The following ASB11 variants were observed in gnomAD, a reference collection of about 807,000 sequenced individuals.
ASB11 encodes ankyrin repeat and SOCS box protein 11.
A neutral mutation model predicts 20.1 loss-of-function variants in ASB11; 17 were observed. That is an observed-to-expected ratio of 0.85 (90% CI 0.58 to 1.27). The LOEUF is 1.27. Among genes scored for constraint, ASB11 ranks in the 50% most tolerant of loss-of-function variants. The pLI is 0.00. For synonymous variants in ASB11, 107 were observed against 105.6 expected, an observed-to-expected ratio of 1.01 and a Z score of -0.08; for missense variants, 259 against 256.9, an observed-to-expected ratio of 1.01 and a Z score of -0.06.
chrX:15,311,216 G>A (rs952888280), intron 1 of ASB11, among the ~76,000 whole-genome samples: 1 of 112,543 alleles, frequency 8.9e-6, no homozygotes, highest in Non-Finnish European at 1.9e-5. Context: ...AGAATGTCCA[G>A]TCCTAGAGAG....
In ASB11 at chrX:15,297,664, A is replaced by G. The variant is rs765173933; in HGVS notation, c.279T>C (p.Leu93=). The G allele has an allele frequency of 9.5e-5, 115 of 1,207,451 alleles. 1 individual carries two copies. In the Admixed American group the frequency reaches 2.3e-3, roughly 24 times the overall value. The change falls in exon 3 of 7, where the codon CTT becomes CTC. Residue 93 remains leucine (L), a synonymous_variant. Transcript: ENST00000480796. ...GAGAAGACACCCGGTTAATTGTCACAAGGTTCACATTGACACCCTATAATT... is the reference window on the plus strand; with the variant it reads ...GAGAAGACACCCGGTTAATTGTCACGAGGTTCACATTGACACCCTATAATT... The part of the protein sequence containing the change: ...TLIAQGVNVN[L]VTINRVSSLH...
At chrX:15,284,213 C>T (rs866416993) in intron 6 of ASB11, among the ~76,000 whole-genome samples, 10 of 99,697 alleles carry the variant, frequency 1.0e-4, no homozygotes, top group African/African-American at 3.8e-4. Context: ...GATCGGGCCA[C>T]TGCACTCCAG....
At chrX:15,293,892 G>A (rs1393308685) in intron 3 of ASB11, among the ~76,000 whole-genome samples, 1 of 85,282 alleles carries the variant, frequency 1.2e-5, no homozygotes, top group Non-Finnish European at 2.3e-5. Flanking sequence ...GTTGTGGGGT[G>A]GGGGGAGGGG....
chrX:15,293,399 G>A (rs1433162067), intron 3 of ASB11, 79 bp from the exon 4 acceptor site: 3 of 1,067,662 alleles, frequency 2.8e-6, no homozygotes, highest in Non-Finnish European at 3.8e-6. Context: ...CTATGTATTT[G>A]CCTAGAGGAA....
At chrX:15,307,999 C>T (rs189966120) in intron 1 of ASB11, among the ~76,000 whole-genome samples, 1 of 112,110 alleles carries the variant, frequency 8.9e-6, no homozygotes, top group East Asian at 2.8e-4. Flanking sequence ...TCCAGCCCAC[C>T]CAGCAGCTGG....
chrX:15,313,974 C>T (rs1921523709), intron 1 of ASB11, among the ~76,000 whole-genome samples: 1 of 107,006 alleles, frequency 9.3e-6, no homozygotes, highest in Non-Finnish European at 1.9e-5. Context: ...ATTGCTTCAA[C>T]CGGGACCTGG....
intron 4 of ASB11, chrX:15,289,853 A>G (rs1054438761): frequency 2.1e-5 from 6 of 283,724 alleles, no homozygotes; most frequent in Non-Finnish European, 6.2e-6. Flanking sequence ...GTGAAACCCC[A>G]TCTCTACTAA....
chrX:15,311,698 G>A (rs1921435670), intron 1 of ASB11, among the ~76,000 whole-genome samples: 1 of 110,540 alleles, frequency 9.0e-6, no homozygotes, highest in Non-Finnish European at 1.9e-5. Flanking sequence ...GTTCTACAAC[G>A]TCTTATCTGC....
intron 2 of ASB11, among the ~76,000 whole-genome samples, chrX:15,300,222 G>C (rs759717776): frequency 1.8e-5 from 2 of 112,176 alleles, no homozygotes; most frequent in Non-Finnish European, 3.8e-5. Flanking sequence ...TGCTGGAAAG[G>C]CCTGAAAGAT....
chrX:15,294,516 G>A (rs1043735468), intron 3 of ASB11, among the ~76,000 whole-genome samples: 1 of 110,880 alleles, frequency 9.0e-6, no homozygotes. Flanking sequence ...GACTACAGGC[G>A]TGCACCACCA....
At chrX:15,292,834 C>T (rs1206214735) in intron 4 of ASB11, among the ~76,000 whole-genome samples, 1 of 111,787 alleles carries the variant, frequency 8.9e-6, no homozygotes, top group Non-Finnish European at 1.9e-5. Context: ...TAGTACAATT[C>T]AGGGAAGTCA....
rs181045050 is a variant in ASB11 at position 15,297,574 on chromosome X, G to C, written c.369C>G (p.His123Gln). The C allele has an allele frequency of 3.4e-6, 4 of 1,187,264 alleles. No homozygotes were observed. Among genetic ancestry groups the C allele is most frequent in the Admixed American group, 2.3e-5 (1 of 43,458 alleles). Residue 123 changes from histidine (H) to glutamine (Q), a missense_variant and splice_region_variant, in exon 3 of 7, where the codon CAC (histidine) becomes CAG (glutamine). Transcript: ENST00000480796. Reference protein sequence around the residue: ...CAKALLENGAHVNGVTVHGAT... With the variant: ...CAKALLENGAQVNGVTVHGAT... ...CCAAGTGGGCAGGGGCAGTACTCAC[G>C]TGTGCACCATTTTCCAATAAGGCTT...
At chrX:15,285,177 G>A (rs1158985829) in intron 6 of ASB11, among the ~76,000 whole-genome samples, 2 of 95,002 alleles carry the variant, frequency 2.1e-5, no homozygotes, top group East Asian at 3.1e-4. Context: ...AATCTCACTC[G>A]GTCGCCCAGG....
chrX:15,309,346 C>T (rs993165225), intron 1 of ASB11, among the ~76,000 whole-genome samples: 5 of 108,071 alleles, frequency 4.6e-5, no homozygotes, highest in South Asian at 8.4e-4. Flanking sequence ...CTAGGATGGG[C>T]GCTCCTTATG....
rs1927260622 is a variant in ASB11 at position 15,283,684 on chromosome X, A to C, written c.848-55T>G. The C allele has an allele frequency of 2.7e-5, 22 of 824,628 alleles. 1 individual carries two copies. Among genetic ancestry groups the C allele is most frequent in the South Asian group, 2.6e-4 (13 of 49,557 alleles). 68.0% of individuals were successfully genotyped at this position (824,628 alleles called of 1,213,427 possible). On this transcript the variant is annotated intron_variant, in intron 6 of 6. Transcript: ENST00000480796. ...TCATAGTGGTGGGAGGTGGGGTGGA[A>C]GGGGGAAATCAGAGAACTGGAAGAG...
chrX:15,315,403 G>T, intron 1 of ASB11, 22 bp downstream of exon 1: 1 of 1,050,020 alleles, frequency 9.5e-7, no homozygotes, highest in Non-Finnish European at 1.2e-6. Flanking sequence ...TAAATATTAG[G>T]AACAAATTCA....
At chrX:15,309,219 T>G (rs949801945) in intron 1 of ASB11, among the ~76,000 whole-genome samples, 1 of 110,557 alleles carries the variant, frequency 9.0e-6, no homozygotes, top group South Asian at 3.9e-4. Context: ...GCCCGGATGC[T>G]TCTTCTGTAT....
rs189973709 is a variant in ASB11, at chrX:15,283,004, A to G, written c.*501T>C. ...TATATATATATACGTATATGTATGTATATATATATACGTATATATATACAA... is the reference window on the plus strand; with the variant it reads ...TATATATATATACGTATATGTATGTGTATATATATACGTATATATATACAA... On this transcript the variant is annotated 3_prime_UTR_variant, in exon 7 of 7. Transcript: ENST00000480796. 1,786 of 104,671 alleles carry G rather than the reference A, an allele frequency of 0.017. 34 individuals are homozygous for G. The highest frequency in any genetic ancestry group is 0.059 in the African/African-American group (1,666 of 28,312). The allele number at this position is 104,671 out of a possible 1,213,427, so 8.6% of individuals were successfully genotyped here. A position where few individuals can be genotyped will look rare whatever the true frequency, so the allele number is the denominator to read the frequency against.
chrX:15,299,491 G>A (rs1277879311), intron 2 of ASB11, among the ~76,000 whole-genome samples: 1 of 111,756 alleles, frequency 8.9e-6, no homozygotes, highest in Non-Finnish European at 1.9e-5. Context: ...GTTTTATCAT[G>A]TGGATGAAGC....
Sources: allele counts gnomAD v4.1 joint callset (sites outside exome capture counted in the v4.1 genomes callset), GRCh38; gene constraint gnomAD v4.1.1; transcripts MANE v1.5; gene names NCBI Gene and HGNC (gene_info 2026-07-23, HGNC 2026-07-21).